The following NFIA variants were observed in gnomAD, a reference collection of about 807,000 sequenced individuals.
NFIA encodes nuclear factor I A.
In NFIA, 8 loss-of-function variants were observed where a neutral mutation model predicts 62.8. The observed-to-expected ratio is 0.13, with a 90% CI of 0.07 to 0.23. The LOEUF (loss-of-function observed/expected upper bound fraction) is 0.23, where lower values mean the gene tolerates loss of function less well. NFIA is among the 10% of genes least tolerant of loss of function. NFIA has a pLI of 1.00. For synonymous variants in NFIA, 235 were observed against 238.1 expected, an observed-to-expected ratio of 0.99 and a Z score of 0.12; for missense variants, 410 against 642.1, an observed-to-expected ratio of 0.64 and a Z score of 3.91.
intron 2 of NFIA, among the ~76,000 whole-genome samples, chr1:61,165,881 T>G (rs745532311): frequency 6.6e-6 from 1 of 152,198 alleles, no homozygotes; most frequent in Non-Finnish European, 1.5e-5. Context: ...ACGTAATCAC[T>G]TTGTCAGGCT....
chr1:61,119,077 A>G (rs1646842934), intron 2 of NFIA, among the ~76,000 whole-genome samples: 1 of 152,218 alleles, frequency 6.6e-6, no homozygotes. Flanking sequence ...AATTATTACA[A>G]TAAATTATGA....
chr1:61,414,243 A>G (rs954224565), intron 9 of NFIA, among the ~76,000 whole-genome samples: 1 of 152,186 alleles, frequency 6.6e-6, no homozygotes, highest in Non-Finnish European at 1.5e-5. Flanking sequence ...TCGGCCTCCC[A>G]AAGTGTTGGG....
intron 2 of NFIA, among the ~76,000 whole-genome samples, chr1:61,140,621 G>A (rs777851875): frequency 1.3e-5 from 2 of 151,932 alleles, no homozygotes; most frequent in African/African-American, 2.4e-5. Context: ...TGATAAAAGG[G>A]GCAAGAACAT....
At chr1:61,249,119 A>G (rs1655843439) in intron 2 of NFIA, 1 of 152,256 alleles carries the variant, frequency 6.6e-6, no homozygotes, top group South Asian at 2.1e-4. Context: ...CCTGAAAGAC[A>G]TAAAACAATA....
At chr1:61,225,215 A>T (rs1183099726) in intron 2 of NFIA, among the ~76,000 whole-genome samples, 2 of 151,428 alleles carry the variant, frequency 1.3e-5, no homozygotes, top group African/African-American at 4.8e-5. Context: ...CACAGTAAAT[A>T]CTCAATGTAA....
intron 2 of NFIA, among the ~76,000 whole-genome samples, chr1:61,256,460 C>T (rs1040916391): frequency 2.3e-4 from 33 of 142,886 alleles, no homozygotes; most frequent in African/African-American, 7.9e-4. Flanking sequence ...AAAAAAAAAT[C>T]TCATAATGTT....
chr1:61,313,050 C>A (rs781610888), intron 3 of NFIA, among the ~76,000 whole-genome samples: 5 of 151,946 alleles, frequency 3.3e-5, no homozygotes, highest in Non-Finnish European at 5.9e-5. Flanking sequence ...AAAGATAGGC[C>A]AAGTCAAGGA....
At chr1:61,277,416 C>A in intron 2 of NFIA, 104 bp from the exon 3 acceptor site, 2 of 958,080 alleles carry the variant, frequency 2.1e-6, no homozygotes, top group Non-Finnish European at 1.6e-6. Context: ...TGTAATGTTC[C>A]CTTTCTTAGT....
chr1:61,228,583 T>C (rs558438023), intron 2 of NFIA, among the ~76,000 whole-genome samples: 5 of 152,352 alleles, frequency 3.3e-5, no homozygotes, highest in South Asian at 2.1e-4. Flanking sequence ...CTATGAGATT[T>C]AGCTTTTTGG....
intron 6 of NFIA, among the ~76,000 whole-genome samples, chr1:61,365,563 G>A (rs947396473): frequency 6.6e-6 from 1 of 152,076 alleles, no homozygotes; most frequent in Non-Finnish European, 1.5e-5. Flanking sequence ...TCCAGTTTAG[G>A]GCCTGCTGCA....
chr1:61,182,107 G>C (rs1220379956), intron 2 of NFIA, among the ~76,000 whole-genome samples: 3 of 152,144 alleles, frequency 2.0e-5, no homozygotes, highest in African/African-American at 7.2e-5. Flanking sequence ...TTCTGTATTT[G>C]TATTTTGGTT....
chr1:61,231,486 T>C (rs556124158), intron 2 of NFIA, among the ~76,000 whole-genome samples: 2 of 152,310 alleles, frequency 1.3e-5, no homozygotes, highest in Non-Finnish European at 2.9e-5. Flanking sequence ...GTTTTTAAAA[T>C]AGTAAATGAC....
At chr1:61,246,475 G>C (rs1016184751) in intron 2 of NFIA, among the ~76,000 whole-genome samples, 1 of 152,030 alleles carries the variant, frequency 6.6e-6, no homozygotes, top group Non-Finnish European at 1.5e-5. Flanking sequence ...GTTCTCTTTA[G>C]GCAGAAAGAG....
intron 2 of NFIA, among the ~76,000 whole-genome samples, chr1:61,192,866 T>A (rs1483176728): frequency 6.6e-6 from 1 of 152,172 alleles, no homozygotes; most frequent in Non-Finnish European, 1.5e-5. Flanking sequence ...CATGGTAATG[T>A]GTCTCATTAG....
At chr1:61,162,889 T>C (rs1649316091) in intron 2 of NFIA, among the ~76,000 whole-genome samples, 1 of 152,138 alleles carries the variant, frequency 6.6e-6, no homozygotes, top group Non-Finnish European at 1.5e-5. Flanking sequence ...TGAAAGTTTA[T>C]ATAAAATATT....
intron 2 of NFIA, among the ~76,000 whole-genome samples, chr1:61,252,270 C>T (rs1366501549): frequency 6.6e-6 from 1 of 152,108 alleles, no homozygotes; most frequent in Non-Finnish European, 1.5e-5. Flanking sequence ...TTTTCATGGC[C>T]AACAGTTACC....
upstream of NFIA, among the ~76,000 whole-genome samples, chr1:61,079,119 C>A (rs1223679442): frequency 6.6e-6 from 1 of 152,190 alleles, no homozygotes; most frequent in Non-Finnish European, 1.5e-5. Context: ...TGGACACTCA[C>A]TTCAGCAACA....
chr1:61,129,503 G>A (rs1422878840), intron 2 of NFIA, among the ~76,000 whole-genome samples: 1 of 147,962 alleles, frequency 6.8e-6, no homozygotes, highest in African/African-American at 2.5e-5. Flanking sequence ...TGGCTGGAGT[G>A]CAGTGGTGTG....
At chr1:61,448,590 A>G (rs1388229970) in intron 10 of NFIA, among the ~76,000 whole-genome samples, 1 of 152,214 alleles carries the variant, frequency 6.6e-6, no homozygotes, top group African/African-American at 2.4e-5. Context: ...CATGGAGTCT[A>G]AAACTGAGAC....
Sources: allele counts gnomAD v4.1 joint callset (sites outside exome capture counted in the v4.1 genomes callset), GRCh38; gene constraint gnomAD v4.1.1; transcripts MANE v1.5; gene names NCBI Gene and HGNC (gene_info 2026-07-23, HGNC 2026-07-21).